Variants in TCF20 observed in about 807,000 individuals in gnomAD.
The protein encoded by TCF20 is SPRE-binding protein.
In TCF20, 3 loss-of-function variants were observed where a neutral mutation model predicts 148.6. The ratio of observed to expected loss-of-function variants is 0.02; its 90% CI spans 0.01 to 0.05. The LOEUF (loss-of-function observed/expected upper bound fraction) is 0.05. Among genes scored for constraint, TCF20 ranks in the 10% least tolerant of loss-of-function variants. The pLI, the probability that TCF20 is intolerant of heterozygous loss-of-function variation, is 1.00. For synonymous variants in TCF20, 1,049 were observed against 909.5 expected (o/e 1.15, Z -2.76); for missense variants, 2,350 against 2,429.3 (o/e 0.97, Z 0.69).
intron 3 of TCF20, 142 bp from the exon 4 acceptor site, chr22:42,170,038 C>A: frequency 2.8e-6 from 2 of 712,726 alleles, no homozygotes; most frequent in East Asian, 2.6e-5. Flanking sequence ...AGAGACAACC[C>A]AAGTAAGCTA....
chr22:42,336,596 T>C (rs1242057020), intron 1 of TCF20, among the ~76,000 whole-genome samples: 1 of 152,140 alleles, frequency 6.6e-6, no homozygotes, highest in East Asian at 1.9e-4. Context: ...CCGCCACCTT[T>C]AGAATAAAAT....
intron 1 of TCF20, among the ~76,000 whole-genome samples, chr22:42,216,740 G>C (rs901789002): frequency 4.6e-5 from 7 of 152,216 alleles, no homozygotes; most frequent in Non-Finnish European, 1.0e-4. Context: ...GCAAAAAACA[G>C]AGAGGAAAAT....
rs1491280192 is a variant in TCF20, at chr22:42,242,227, A to AAAAAAAAAAAAAAT, written c.-36-26887_-36-26886insATTTTTTTTTTTTT. Among the ~76,000 whole-genome samples, 134 of 122,736 alleles carry AAAAAAAAAAAAAAT rather than the reference A, an allele frequency of 1.1e-3. 8 individuals are homozygous for AAAAAAAAAAAAAAT. Among genetic ancestry groups the AAAAAAAAAAAAAAT allele is most frequent in the African/African-American group, 2.1e-3 (66 of 31,326 alleles). 80.5% of individuals were successfully genotyped at this position (122,736 alleles called of 152,430 possible). A position where few individuals can be genotyped will look rare whatever the true frequency, so the allele number is the denominator to read the frequency against. ...CAAAAAAAAAAAAAAAAAAAAAAAAACAGAAAAGAAAGGGTGACTACAAGG... is the reference window on the plus strand; with the variant it reads ...CAAAAAAAAAAAAAAAAAAAAAAAAAAAAAAAAAAAAAATCAGAAAAGAAAGGGTGACTACAAGG... On this transcript the variant is annotated intron_variant, in intron 1 of 5. Transcript: ENST00000677622.
chr22:42,238,932 A>G (rs973478957), intron 1 of TCF20, among the ~76,000 whole-genome samples: 8 of 151,578 alleles, frequency 5.3e-5, no homozygotes, highest in African/African-American at 1.9e-4. Context: ...CCTGGCTAAC[A>G]CGGTGAAACC....
Position 42,161,972 on chromosome 22 carries a change from C to CTTTTTTTTTTTTTTTT in TCF20, c.*45-630_*45-615dup, listed in dbSNP as rs3045573. ...GCCACCATGCTTGGCTAATGACAGTCTTTTTTTTTTTTTTTTTTTTTTTTT... is the reference window on the plus strand; with the variant it reads ...GCCACCATGCTTGGCTAATGACAGTCTTTTTTTTTTTTTTTTTTTTTTTTTTTTTTTTTTTTTTTTT... On this transcript the variant is annotated intron_variant, in intron 5 of 5. Transcript: ENST00000677622. Among the ~76,000 whole-genome samples the CTTTTTTTTTTTTTTTT allele has an allele frequency of 1.9e-4, 14 of 75,030 alleles. 1 individual carries two copies. The highest frequency in any genetic ancestry group is 8.3e-4 in the African/African-American group (13 of 15,666). 49.2% of individuals were successfully genotyped at this position (75,030 alleles called of 152,430 possible).
At chr22:42,266,130 G>T (rs1284215244) in intron 1 of TCF20, among the ~76,000 whole-genome samples, 1 of 151,154 alleles carries the variant, frequency 6.6e-6, no homozygotes, top group Admixed American at 6.6e-5. Context: ...GGATTCCAGG[G>T]CCGCACTTAC....
intron 1 of TCF20, among the ~76,000 whole-genome samples, chr22:42,327,669 A>T (rs1036363101): frequency 6.6e-5 from 10 of 151,944 alleles, no homozygotes; most frequent in African/African-American, 2.4e-4. Flanking sequence ...TCCTTACCCG[A>T]GACTGAATGC....
intron 1 of TCF20, among the ~76,000 whole-genome samples, chr22:42,326,400 G>A (rs1927876566): frequency 6.6e-6 from 1 of 152,136 alleles, no homozygotes; most frequent in African/African-American, 2.4e-5. Flanking sequence ...TCCCATCTCG[G>A]CTGGGGCCCA....
rs777762028 is a variant in TCF20, at chr22:42,213,615, G to A, written c.1691C>T (p.Ala564Val). 6 of 1,614,090 alleles carry A rather than the reference G, an allele frequency of 3.7e-6. No homozygotes were observed. Among genetic ancestry groups the A allele is most frequent in the Admixed American group, 1.7e-5 (1 of 60,024 alleles). ...ATTGAGTCTGGGGGGTTCATTCTGAGCACCTTGTGCCGGTGAGGAGCCAGC... is the reference window on the plus strand; with the variant it reads ...ATTGAGTCTGGGGGGTTCATTCTGAACACCTTGTGCCGGTGAGGAGCCAGC... ...EKAGSSPAQGAQNEPPRLNAS... is the reference protein window; with the variant it reads ...EKAGSSPAQGVQNEPPRLNAS... Residue 564 changes from alanine (A) to valine (V), a missense_variant, in exon 2 of 6, where the codon GCT (alanine) becomes GTT (valine). Around this residue, in one of 7 missense-constraint regions of TCF20, gnomAD observed 1,641 missense variants for 1,662.6 expected, o/e 0.99. Coordinates refer to ENST00000677622, the MANE Select transcript of TCF20 (RefSeq NM_001378418.1).
At chr22:42,342,747 A>AATGG (rs1220434380) in intron 1 of TCF20, among the ~76,000 whole-genome samples, 3 of 152,124 alleles carry the variant, frequency 2.0e-5, no homozygotes, top group Non-Finnish European at 2.9e-5. Flanking sequence ...ATCCCAGCTG[A>AATGG]ATGGATGACC....
At chr22:42,228,637 T>C (rs1273387077) in intron 1 of TCF20, among the ~76,000 whole-genome samples, 1 of 152,104 alleles carries the variant, frequency 6.6e-6, no homozygotes, top group Non-Finnish European at 1.5e-5. Context: ...GAATCAAGAG[T>C]GCTTTGCCAA....
rs780333191 is a variant in TCF20 at position 42,212,684 on chromosome 22, T to C, written c.2622A>G (p.Arg874=). 6.2e-7 allele frequency: 1 copy of C among 1,614,138 alleles called. No individual in the cohort carries two copies. The highest frequency in any genetic ancestry group is 8.5e-7 in the Non-Finnish European group (1 of 1,180,026). Residue 874 remains arginine, a synonymous_variant, in exon 2 of 6, where the codon AGA becomes AGG. Transcript: ENST00000677622. ...GAGCCCCTGGGTCCCTGACAATCTGTCTTAGTGGAGAAATATCACAGATCA... is the reference window on the plus strand; with the variant it reads ...GAGCCCCTGGGTCCCTGACAATCTGCCTTAGTGGAGAAATATCACAGATCA... ...RSVICDISPL[R]QIVRDPGAHS...
At chr22:42,318,616 C>T (rs1485306002) in intron 1 of TCF20, among the ~76,000 whole-genome samples, 1 of 152,104 alleles carries the variant, frequency 6.6e-6, no homozygotes, top group Non-Finnish European at 1.5e-5. Context: ...CCAGTGAGCC[C>T]TAGCACTGCC....
chr22:42,332,623 C>T (rs1443119744), intron 1 of TCF20, among the ~76,000 whole-genome samples: 1 of 152,180 alleles, frequency 6.6e-6, no homozygotes, highest in African/African-American at 2.4e-5. Flanking sequence ...CCTGCCTCAG[C>T]CTCCCTGCTA....
At chr22:42,276,801 G>A (rs1926789893) in intron 1 of TCF20, 1 of 152,154 alleles carries the variant, frequency 6.6e-6, no homozygotes, top group African/African-American at 2.4e-5. Flanking sequence ...GAGCTCTCGG[G>A]GATAATTGCA....
intron 2 of TCF20, among the ~76,000 whole-genome samples, chr22:42,180,146 C>T (rs138616498): frequency 3.0e-3 from 456 of 152,138 alleles, no homozygotes; most frequent in Middle Eastern, 0.01. Flanking sequence ...TATATATAAA[C>T]CTTTTAGAAT....
rs116457194 is a variant in TCF20 at position 42,240,337 on chromosome 22, C to T, written c.-36-24996G>A. Among the ~76,000 whole-genome samples the T allele has an allele frequency of 4.0e-3, 604 of 152,278 alleles. 7 individuals are homozygous for T. Among genetic ancestry groups the T allele is most frequent in the African/African-American group, 0.014 (572 of 41,552 alleles). On this transcript the variant is annotated intron_variant, in intron 1 of 5. Coordinates refer to ENST00000677622, the MANE Select transcript of TCF20 (RefSeq NM_001378418.1). ...ACCTGGTTTACCCAAACAATTCAGG[C>T]ATCTTAACAGTGTCACACAGAGACA...
chr22:42,271,912 C>A (rs1926635138), upstream of TCF20, among the ~76,000 whole-genome samples: 1 of 152,108 alleles, frequency 6.6e-6, no homozygotes, highest in Non-Finnish European at 1.5e-5. Context: ...TACTTTTTGA[C>A]CTTTCACCCC....
At chr22:42,172,786 C>T (rs1346464524) in intron 3 of TCF20, among the ~76,000 whole-genome samples, 4 of 152,224 alleles carry the variant, frequency 2.6e-5, no homozygotes, top group South Asian at 2.1e-4. Context: ...AATTCACCTA[C>T]ACTCTACCCC....
Sources: gnomAD v4.1 joint callset for allele counts (sites outside exome capture counted in the v4.1 genomes callset) on GRCh38, gnomAD v4.1.1 for gene constraint, gnomAD v4.1.1 regional missense constraint, MANE v1.5 for transcripts, NCBI Gene and HGNC (gene_info 2026-07-23, HGNC 2026-07-21) for gene names.